The following AIG1 variants were observed in gnomAD, a reference collection of about 807,000 sequenced individuals.
AIG1 encodes the protein androgen-induced gene 1 protein.
A neutral mutation model predicts 31.4 loss-of-function variants in AIG1; 23 were observed. That is an observed-to-expected ratio of 0.73 (90% CI 0.53 to 1.04). AIG1 has a LOEUF of 1.04. Among genes scored for constraint, AIG1 ranks in the 50% least tolerant of loss-of-function variants. The pLI, the probability that AIG1 is intolerant of heterozygous loss-of-function variation, is 0.00. For missense variants in AIG1, 274 were observed against 295.0 expected (o/e 0.93, Z 0.52); for synonymous variants, 100 against 110.5 (o/e 0.90, Z 0.60).
At chr6:143,076,961 G>A (rs562948700) in intron 1 of AIG1, among the ~76,000 whole-genome samples, 137 of 152,234 alleles carry the variant, frequency 9.0e-4, no homozygotes, top group African/African-American at 3.1e-3. Context: ...GTGAGCGACC[G>A]TGCCCGGCCT....
intron 3 of AIG1, chr6:143,187,431 T>C (rs1157753949): frequency 3.3e-6 from 5 of 1,535,508 alleles, no homozygotes; most frequent in African/African-American, 1.4e-5. Context: ...TACACAGAAC[T>C]ACAGTATGAT....
chr6:143,218,475 A>G (rs1792205111), intron 3 of AIG1, among the ~76,000 whole-genome samples: 1 of 152,250 alleles, frequency 6.6e-6, no homozygotes. Context: ...TTTTCCAAAT[A>G]GGAAATTCGT....
Position 143,325,798 on chromosome 6 carries a change from T to C in AIG1, c.516-7484T>C, listed in dbSNP as rs189138896. Among the ~76,000 whole-genome samples, 2 of 152,362 alleles carry C rather than the reference T, an allele frequency of 1.3e-5. No individual in the cohort carries two copies. The highest frequency in any genetic ancestry group is 3.8e-4 in the East Asian group (2 of 5,196). The stretch of plus-strand genomic sequence containing the variant: ...TGTAATATTTTCTCCTCTGTTCACT[T>C]CTGTTACTGTTTTAAAATGCTAGTA... On this transcript the variant is annotated intron_variant, in intron 4 of 5. Transcript: ENST00000357847. The surrounding 1 kb of genome is among the most constrained non-coding windows in gnomAD (Gnocchi z 4.3).
At chr6:143,060,870 C>T (rs1336299875), upstream of AIG1, 34 of 1,233,444 alleles carry the variant, frequency 2.8e-5, no homozygotes, top group African/African-American at 6.3e-5. Context: ...GCGCGCCCGG[C>T]GCCTCCCTCA....
At chr6:143,212,856 T>C (rs1791695928) in intron 3 of AIG1, among the ~76,000 whole-genome samples, 1 of 152,182 alleles carries the variant, frequency 6.6e-6, no homozygotes, top group African/African-American at 2.4e-5. Context: ...AAGGCATATA[T>C]GCCCAGCATA....
chr6:143,134,458 G>T (rs1783551947), intron 1 of AIG1, among the ~76,000 whole-genome samples: 5 of 132,360 alleles, frequency 3.8e-5, no homozygotes, highest in African/African-American at 2.8e-5. Flanking sequence ...TATTGGTTTA[G>T]ATTTCCATTG....
At chr6:143,099,297 TCTAA>T (rs1562374099) in intron 1 of AIG1, among the ~76,000 whole-genome samples, 2 of 152,216 alleles carry the variant, frequency 1.3e-5, no homozygotes, top group Non-Finnish European at 2.9e-5. Context: ...CAAATGAGTT[TCTAA>T]CTAACAATGT....
intron 3 of AIG1, among the ~76,000 whole-genome samples, chr6:143,221,181 G>A (rs1792486435): frequency 6.6e-6 from 1 of 152,120 alleles, no homozygotes; most frequent in Non-Finnish European, 1.5e-5. Flanking sequence ...CTCTTATTAA[G>A]GAAATTGGGT....
intron 3 of AIG1, among the ~76,000 whole-genome samples, chr6:143,264,409 GCCCCAAATTCTCTTTTTGTC>G (rs753082147): frequency 3.3e-5 from 5 of 152,076 alleles, no homozygotes; most frequent in Admixed American, 6.5e-5. Context: ...CATCTTCAAG[GCCCCAAATTCTCTTTTTGTC>G]CCCCACTGTG....
chr6:143,230,224 G>C (rs577756548), intron 3 of AIG1, among the ~76,000 whole-genome samples: 1 of 152,116 alleles, frequency 6.6e-6, no homozygotes, highest in East Asian at 1.9e-4. Context: ...GATTTTAGGG[G>C]CATAGTGGGG....
intron 3 of AIG1, among the ~76,000 whole-genome samples, chr6:143,263,107 C>T (rs1047015231): frequency 2.6e-5 from 4 of 152,250 alleles, no homozygotes; most frequent in Admixed American, 1.3e-4. Context: ...CCGATTAGTA[C>T]ATCACCTTTA....
chr6:143,305,257 C>T (rs997644750), intron 4 of AIG1, among the ~76,000 whole-genome samples: 13 of 151,948 alleles, frequency 8.6e-5, no homozygotes, highest in African/African-American at 2.9e-4. Context: ...GTTATCTTGC[C>T]TTCTGCTAGC....
chr6:143,184,241 C>T (rs952357217), intron 3 of AIG1, among the ~76,000 whole-genome samples: 1 of 152,156 alleles, frequency 6.6e-6, no homozygotes, highest in Non-Finnish European at 1.5e-5. Context: ...TTTCTGCAGC[C>T]CAAATTTCTC....
chr6:143,133,287 C>T (rs1243993525), intron 1 of AIG1, among the ~76,000 whole-genome samples: 1 of 151,974 alleles, frequency 6.6e-6, no homozygotes, highest in Non-Finnish European at 1.5e-5. Flanking sequence ...TATTCCAGGG[C>T]TATGTTAGTG....
intron 1 of AIG1, among the ~76,000 whole-genome samples, chr6:143,102,023 C>T (rs1368906571): frequency 1.3e-5 from 2 of 152,058 alleles, no homozygotes; most frequent in Non-Finnish European, 2.9e-5. Flanking sequence ...CAGACCTAGC[C>T]TATGCTATTC....
chr6:143,116,100 ATTC>A (rs1042935814), intron 1 of AIG1, among the ~76,000 whole-genome samples: 20 of 152,168 alleles, frequency 1.3e-4, no homozygotes, highest in Non-Finnish European at 2.8e-4. Context: ...TCTGGGTGAA[ATTC>A]TTCTTCTGTT....
At chr6:143,311,487 G>T (rs1394607426) in intron 4 of AIG1, among the ~76,000 whole-genome samples, 1 of 151,748 alleles carries the variant, frequency 6.6e-6, no homozygotes, top group Non-Finnish European at 1.5e-5. Flanking sequence ...TGTATTCTAG[G>T]CATGCAAGGA....
intron 3 of AIG1, among the ~76,000 whole-genome samples, chr6:143,210,804 C>T (rs1373552136): frequency 6.6e-6 from 1 of 152,118 alleles, no homozygotes; most frequent in African/African-American, 2.4e-5. Context: ...TTTATTAAGT[C>T]AAATCAATAT....
At chr6:143,133,314 A>G (rs536820411) in intron 1 of AIG1, among the ~76,000 whole-genome samples, 2 of 152,184 alleles carry the variant, frequency 1.3e-5, no homozygotes, top group African/African-American at 4.8e-5. Context: ...TTTAGGCATG[A>G]GACTTCTTGG....
Sources: gnomAD v4.1 joint callset for allele counts (sites outside exome capture counted in the v4.1 genomes callset) on GRCh38, gnomAD v4.1.1 for gene constraint, Gnocchi (gnomAD v3.1) non-coding constraint, MANE v1.5 for transcripts, NCBI Gene and HGNC (gene_info 2026-07-23, HGNC 2026-07-21) for gene names.